NPAS3: variants seen among roughly 807,000 people sequenced by gnomAD.
NPAS3 encodes neuronal PAS domain protein 3.
NPAS3 carries 14 observed loss-of-function variants against 73.1 expected under a neutral mutation model. The observed-to-expected ratio is 0.19, with a 90% confidence interval of 0.13 to 0.30. The LOEUF is 0.30. NPAS3 is among the 10% of genes least tolerant of loss of function. The probability of loss-of-function intolerance (pLI) is 1.00; values close to 1 mark genes in which losing one functional copy is unlikely to be tolerated. For synonymous variants in NPAS3, 620 were observed against 541.5 expected, an observed-to-expected ratio of 1.14 and a Z score of -2.01; for missense variants, 1,096 against 1,250.0, an observed-to-expected ratio of 0.88 and a Z score of 1.86.
At position 33,800,855 on chromosome 14, in the gene NPAS3, G is replaced by T; in HGVS notation, c.2548G>T (p.Ala850Ser). 1.9e-6 allele frequency: 3 copies of T among 1,605,432 alleles called. No individual in the cohort carries two copies. The highest frequency in any genetic ancestry group is 2.5e-6 in the Non-Finnish European group (3 of 1,176,516). The change falls in exon 12 of 12, where the codon GCT (alanine) becomes TCT (serine). Residue 850 changes from alanine to serine, a missense_variant. This residue lies in a region of NPAS3 where 698 missense variants were observed against 676.7 expected (regional missense o/e 1.03). Coordinates refer to ENST00000356141, the Ensembl canonical transcript of NPAS3. The surrounding 1 kb of genome is among the most constrained non-coding windows in gnomAD (Gnocchi z 6.5). ...GAGCAACCTGCTGCCCAACGCGCAC[G>T]CTGTTAACTTCGTGGACGTTAACAG... is the stretch of plus-strand genomic sequence containing the variant.
rs2046374886 is a variant in NPAS3, at chr14:33,196,865, G to A, written c.141-18317G>A. ...TGTCATCTCTCTCACAATTTGTATAGATTTGCCAAATCAGGTATCCTTGTG... is the reference window on the plus strand; with the variant it reads ...TGTCATCTCTCTCACAATTTGTATAAATTTGCCAAATCAGGTATCCTTGTG... On this transcript the variant is annotated intron_variant, in intron 2 of 11. Coordinates refer to ENST00000356141, the Ensembl canonical transcript of NPAS3. 2.0e-5 allele frequency among the ~76,000 whole-genome samples: 3 copies of A among 152,228 alleles called. No individual in the cohort carries two copies. In the South Asian group the frequency reaches 6.2e-4, roughly 32 times the overall value.
intron 3 of NPAS3, among the ~76,000 whole-genome samples, chr14:33,291,341 C>CT (rs1356564029): frequency 6.6e-6 from 1 of 152,118 alleles, no homozygotes; most frequent in East Asian, 1.9e-4. Flanking sequence ...ATATCTCAGC[C>CT]TGGACTTCAT....
intron 3 of NPAS3, among the ~76,000 whole-genome samples, chr14:33,315,735 T>G (rs528031630): frequency 3.9e-5 from 6 of 152,044 alleles, no homozygotes; most frequent in Admixed American, 6.6e-5. Context: ...GGAAGATTCA[T>G]CAGTGGGAAA....
intron 4 of NPAS3, among the ~76,000 whole-genome samples, chr14:33,430,877 A>C (rs2048756572): frequency 6.6e-6 from 1 of 152,222 alleles, no homozygotes; most frequent in African/African-American, 2.4e-5. Flanking sequence ...GGGTTTAAGC[A>C]GTCAGATGCA....
intron 5 of NPAS3, among the ~76,000 whole-genome samples, chr14:33,636,431 T>C (rs377375619): frequency 6.6e-6 from 1 of 152,224 alleles, no homozygotes; most frequent in African/African-American, 2.4e-5. Flanking sequence ...TTCTTTAGAA[T>C]TGAAGGGTTT....
intron 10 of NPAS3, among the ~76,000 whole-genome samples, chr14:33,794,550 G>A (rs867458314): frequency 1.3e-5 from 2 of 151,530 alleles, no homozygotes; most frequent in South Asian, 4.2e-4. Flanking sequence ...TTAAAGTTTC[G>A]GTAAACAAAG....
chr14:33,701,627 G>T (rs2060525078), intron 6 of NPAS3, among the ~76,000 whole-genome samples: 1 of 152,078 alleles, frequency 6.6e-6, no homozygotes, highest in African/African-American at 2.4e-5. Context: ...ATTTTGGTTT[G>T]CTTCATATTT....
At chr14:33,691,528 A>G (rs1478532892) in intron 6 of NPAS3, among the ~76,000 whole-genome samples, 3 of 152,190 alleles carry the variant, frequency 2.0e-5, no homozygotes, top group Non-Finnish European at 4.4e-5. Context: ...ATGATCACGG[A>G]AAGGTTTGGT....
At chr14:33,659,093 T>C (rs756764019) in intron 5 of NPAS3, among the ~76,000 whole-genome samples, 2 of 152,226 alleles carry the variant, frequency 1.3e-5, no homozygotes, top group Non-Finnish European at 2.9e-5. Context: ...ACATTTTCTA[T>C]GCACCAAGGT....
At chr14:33,187,267 C>A (rs934288719) in intron 2 of NPAS3, among the ~76,000 whole-genome samples, 1 of 152,168 alleles carries the variant, frequency 6.6e-6, no homozygotes, top group Non-Finnish European at 1.5e-5. Context: ...CATTCCACAG[C>A]TGTATTGGCT....
chr14:32,939,277 G>T (rs202035253), upstream of NPAS3: 30 of 707,010 alleles, frequency 4.2e-5, no homozygotes, highest in Admixed American at 4.7e-4. Flanking sequence ...GGAGGGGGGA[G>T]AGAGGCAAAA....
At chr14:33,466,375 T>G (rs1010354481) in intron 4 of NPAS3, among the ~76,000 whole-genome samples, 1 of 152,210 alleles carries the variant, frequency 6.6e-6, no homozygotes, top group African/African-American at 2.4e-5. Context: ...AAGATTTGTT[T>G]TAACCTCTTA....
At chr14:33,801,151 A>AC, downstream of NPAS3, 10 of 1,537,774 alleles carry the variant, frequency 6.5e-6, no homozygotes, top group Admixed American at 8.6e-5. Context: ...CGCTTGGAGG[A>AC]GGCATCGTCG....
At chr14:33,443,265 ACT>A (rs1161137471) in intron 4 of NPAS3, among the ~76,000 whole-genome samples, 12 of 151,816 alleles carry the variant, frequency 7.9e-5, no homozygotes, top group South Asian at 6.2e-4. Context: ...ATATCTAGAA[ACT>A]CTGTTAAAAA....
intron 5 of NPAS3, among the ~76,000 whole-genome samples, chr14:33,573,276 G>A (rs2056301572): frequency 6.6e-6 from 1 of 152,122 alleles, no homozygotes; most frequent in South Asian, 2.1e-4. Flanking sequence ...ACCTACGTGT[G>A]CAAAAACTGT....
chr14:33,061,022 A>C (rs995409328), intron 2 of NPAS3, among the ~76,000 whole-genome samples: 7 of 152,238 alleles, frequency 4.6e-5, no homozygotes, highest in Non-Finnish European at 1.0e-4. Context: ...AACAAGTTCC[A>C]GGGAAGAGAA....
chr14:33,729,930 A>G (rs530714640), intron 6 of NPAS3, among the ~76,000 whole-genome samples: 2 of 152,342 alleles, frequency 1.3e-5, no homozygotes, highest in African/African-American at 4.8e-5. Flanking sequence ...TCTATGAGAA[A>G]GATTTATTTT....
At chr14:33,349,675 T>C (rs1566820407) in intron 3 of NPAS3, among the ~76,000 whole-genome samples, 1 of 152,198 alleles carries the variant, frequency 6.6e-6, no homozygotes, top group Non-Finnish European at 1.5e-5. Context: ...TAGTCCACTT[T>C]GTTAGTTAGG....
At chr14:33,224,132 A>G (rs1296511309) in intron 3 of NPAS3, among the ~76,000 whole-genome samples, 2 of 152,196 alleles carry the variant, frequency 1.3e-5, no homozygotes, top group Non-Finnish European at 2.9e-5. Context: ...GTTTTGCATT[A>G]TACTGCACTG....
Sources: gnomAD v4.1 joint callset for allele counts (sites outside exome capture counted in the v4.1 genomes callset) on GRCh38, gnomAD v4.1.1 for gene constraint, gnomAD v4.1.1 regional missense constraint, Gnocchi (gnomAD v3.1) non-coding constraint, MANE v1.5 for transcripts, NCBI Gene and HGNC (gene_info 2026-07-23, HGNC 2026-07-21) for gene names.